The following LRP6 variants were observed in gnomAD, a reference collection of about 807,000 sequenced individuals.
LRP6 encodes the protein low-density lipoprotein receptor-related protein 6.
In LRP6, 43 loss-of-function variants were observed where a neutral mutation model predicts 184.1. That is an observed-to-expected ratio of 0.23 (90% CI 0.18 to 0.30). The LOEUF is 0.30. Ranked by LOEUF, LRP6 falls within the 10% of genes least tolerant of loss-of-function variation. The probability of loss-of-function intolerance (pLI) is 1.00; values close to 1 mark genes in which losing one functional copy is unlikely to be tolerated. For synonymous variants in LRP6, 719 were observed against 684.9 expected (o/e 1.05, Z -0.78); for missense variants, 1,571 against 2,005.3 (o/e 0.78, Z 4.14).
At chr12:12,261,800 C>T (rs1161080352) in intron 1 of LRP6, among the ~76,000 whole-genome samples, 1 of 152,124 alleles carries the variant, frequency 6.6e-6, no homozygotes, top group Non-Finnish European at 1.5e-5. Context: ...TTCCCCAAGA[C>T]TTTATAACAC....
intron 17 of LRP6, among the ~76,000 whole-genome samples, chr12:12,133,849 G>GTTTT (rs1565540014): frequency 2.4e-5 from 2 of 84,850 alleles, no homozygotes; most frequent in Non-Finnish European, 5.1e-5. Context: ...ATTTTTTGGG[G>GTTTT]GGGGGGGGGG....
chr12:12,159,998 AT>A (rs1565579339), intron 10 of LRP6, 34 bp from the exon 11 acceptor site: 1 of 1,462,320 alleles, frequency 6.8e-7, no homozygotes, highest in Admixed American at 1.8e-5. Context: ...TAACATTTCA[AT>A]TTTTTATTAT....
chr12:12,231,179 T>A (rs1286364878), intron 2 of LRP6, among the ~76,000 whole-genome samples: 2 of 8,170 alleles, frequency 2.4e-4, no homozygotes, highest in African/African-American at 4.4e-4. Flanking sequence ...AGACTCCATC[T>A]CAAAAAAAAA....
rs1862847972 is a variant in LRP6 at position 12,165,209 on chromosome 12, A to G, written c.1632T>C (p.Tyr544=). Residue 544 remains tyrosine (Y), a synonymous_variant, in exon 8 of 23, where the codon TAT becomes TAC. Transcript: ENST00000261349. ...HIFGFTLLGD[Y]VYWTDWQRRS... is the part of the protein sequence containing the mutation. ...GCCTCTGCCAGTCAGTCCAGTAAAC[A>G]TAGTCACCCAACAAAGTAAATCCAA... The G allele has an allele frequency of 1.2e-6, 2 of 1,614,162 alleles. No individual in the cohort carries two copies. Among genetic ancestry groups the G allele is most frequent in the East Asian group, 4.5e-5 (2 of 44,880 alleles).
At chr12:12,161,087 C>G (rs1024006764) in intron 10 of LRP6, among the ~76,000 whole-genome samples, 5 of 152,196 alleles carry the variant, frequency 3.3e-5, no homozygotes, top group Non-Finnish European at 5.9e-5. Context: ...TTGCCAGCAG[C>G]AACCAATTAG....
At position 12,117,888 on chromosome 12, in the gene LRP6, A is replaced by T. The variant is rs1478392232; in HGVS notation, c.*3238T>A. ...TATTTTTAAATGATAAAGAAATACA[A>T]CCCTCAAAATCATCTTAAAATTGTA... On this transcript the variant is annotated 3_prime_UTR_variant, in exon 23 of 23. Transcript: ENST00000261349. 1 of 152,102 alleles carries T rather than the reference A, an allele frequency of 6.6e-6. No individual in the cohort carries two copies. Among genetic ancestry groups the T allele is most frequent in the Non-Finnish European group, 1.5e-5 (1 of 68,004 alleles). 9.4% of individuals were successfully genotyped at this position (152,102 alleles called of 1,614,324 possible).
chr12:12,233,253 G>T (rs1308322070), intron 2 of LRP6, among the ~76,000 whole-genome samples: 1 of 152,100 alleles, frequency 6.6e-6, no homozygotes, highest in African/African-American at 2.4e-5. Flanking sequence ...GGATCACAAG[G>T]TCAGGAGATC....
chr12:12,228,751 T>G (rs1453125541), intron 2 of LRP6, among the ~76,000 whole-genome samples: 1 of 152,266 alleles, frequency 6.6e-6, no homozygotes. Flanking sequence ...TGGCACAGTT[T>G]CATCCAGAAA....
rs761287871 is a variant in LRP6 at position 12,130,892 on chromosome 12, C to T, written c.3972G>A (p.Val1324=). 1.4e-5 allele frequency: 22 copies of T among 1,555,158 alleles called. No individual in the cohort carries two copies. The highest frequency in any genetic ancestry group is 1.7e-4 in the Middle Eastern group (1 of 5,956). ...AGCGGAACTGATCAATTAAACAAAG[C>T]ACTGGAAAAAAAACATAAATAGTTT... The part of the protein sequence containing the change: ...QDKSDEKNCE[V]LCLIDQFRCA... The change falls in exon 19 of 23, where the codon GTG becomes GTA. Residue 1324 remains valine, a splice_region_variant and synonymous_variant. Coordinates refer to ENST00000261349, the MANE Select transcript of LRP6 (RefSeq NM_002336.3).
chr12:12,132,125 T>A lies in LRP6; in HGVS notation c.3734-68A>T, dbSNP rs1247962788. 4 of 934,318 alleles carry A rather than the reference T, an allele frequency of 4.3e-6. No individual in the cohort carries two copies. The Admixed American group carries it at 5.1e-5, about 12-fold the overall frequency. The allele number at this position is 934,318 out of a possible 1,614,324, so 57.9% of individuals were successfully genotyped here. A position where few individuals can be genotyped will look rare whatever the true frequency, so the allele number is the denominator to read the frequency against. Reference sequence around the variant, plus strand: ...ATGGTCACACAGAAGTACAAACACATACCTGAGTGAAGCTCATTTAATAAT... The same window carrying A: ...ATGGTCACACAGAAGTACAAACACAAACCTGAGTGAAGCTCATTTAATAAT... On this transcript the variant is annotated intron_variant, in intron 17 of 22. Coordinates refer to ENST00000261349, the MANE Select transcript of LRP6 (RefSeq NM_002336.3).
chr12:12,192,393 AAAAC>A (rs1447171270), intron 3 of LRP6, among the ~76,000 whole-genome samples: 1 of 151,906 alleles, frequency 6.6e-6, no homozygotes, highest in Non-Finnish European at 1.5e-5. Context: ...TAAAAAAAAA[AAAAC>A]ACTAAAATGT....
At chr12:12,173,504 A>G (rs1863099053) in intron 7 of LRP6, among the ~76,000 whole-genome samples, 2 of 151,588 alleles carry the variant, frequency 1.3e-5, no homozygotes, top group South Asian at 2.1e-4. Flanking sequence ...CACAATGCCT[A>G]GCTAATTTTT....
At chr12:12,169,055 C>T (rs1205023968) in intron 7 of LRP6, among the ~76,000 whole-genome samples, 1 of 151,964 alleles carries the variant, frequency 6.6e-6, no homozygotes, top group East Asian at 1.9e-4. Context: ...ATGGTGAAAC[C>T]CTGTCTCTAC....
intron 12 of LRP6, among the ~76,000 whole-genome samples, chr12:12,152,089 G>C (rs1950088940): frequency 6.6e-6 from 1 of 152,102 alleles, no homozygotes; most frequent in African/African-American, 2.4e-5. Context: ...GGACCCAGGG[G>C]CGGGTAATTG....
intron 12 of LRP6, among the ~76,000 whole-genome samples, chr12:12,151,971 G>A (rs924528662): frequency 2.0e-5 from 3 of 152,102 alleles, no homozygotes; most frequent in African/African-American, 7.2e-5. Context: ...AAGAGAGCAG[G>A]TAAAAATTAC....
chr12:12,266,121 G>C (rs1865751410), intron 1 of LRP6, among the ~76,000 whole-genome samples: 1 of 152,092 alleles, frequency 6.6e-6, no homozygotes, highest in Non-Finnish European at 1.5e-5. Flanking sequence ...TATAACCCCG[G>C]AGTCACTTTC....
intron 9 of LRP6, 92 bp downstream of exon 9, chr12:12,164,181 A>G (rs1455258255): frequency 3.0e-5 from 35 of 1,177,056 alleles, no homozygotes; most frequent in Non-Finnish European, 3.5e-5. Context: ...CTGTCAAACA[A>G]TGAGGGAGGT....
At chr12:12,152,097 T>C (rs1186234883) in intron 12 of LRP6, among the ~76,000 whole-genome samples, 1 of 152,102 alleles carries the variant, frequency 6.6e-6, no homozygotes, top group Non-Finnish European at 1.5e-5. Flanking sequence ...GGGCGGGTAA[T>C]TGAATCATGG....
In LRP6 at chr12:12,181,288, C is replaced by T. The variant is rs2136991736; in HGVS notation, c.1128G>A (p.Trp376Ter). Residue 376 changes from tryptophan (W) to a stop codon, truncating the protein, a stop_gained, in exon 6 of 23, where the codon TGG becomes TGA. Coordinates refer to ENST00000261349, the MANE Select transcript of LRP6 (RefSeq NM_002336.3). LOFTEE classifies it high-confidence loss of function. The part of the protein sequence containing the change: ...DYDPVEGYIY[W>*]TDDEVRAIRR... ...GTATGGCCCTCACTTCATCATCAGTCCAGTAGATGTAGCCTTCCACAGGAT... is the reference window on the plus strand; with the variant it reads ...GTATGGCCCTCACTTCATCATCAGTTCAGTAGATGTAGCCTTCCACAGGAT... 1 of 1,614,140 alleles carries T rather than the reference C, an allele frequency of 6.2e-7. No individual in the cohort carries two copies. Among genetic ancestry groups the T allele is most frequent in the South Asian group, 1.1e-5 (1 of 91,076 alleles).
Sources: gnomAD v4.1 joint callset for allele counts (sites outside exome capture counted in the v4.1 genomes callset) on GRCh38, gnomAD v4.1.1 for gene constraint, MANE v1.5 for transcripts, NCBI Gene and HGNC (gene_info 2026-07-23, HGNC 2026-07-21) for gene names.